Variants in SYCP1 observed in about 807,000 individuals in gnomAD.
SYCP1 encodes the protein synaptonemal complex protein 1.
Under a neutral mutation model 153.1 loss-of-function variants are expected in SYCP1, and 64 were observed. The ratio of observed to expected loss-of-function variants is 0.42; its 90% CI spans 0.34 to 0.51. The LOEUF (loss-of-function observed/expected upper bound fraction) is 0.51. Among genes scored for constraint, SYCP1 ranks in the 20% least tolerant of loss-of-function variants. SYCP1 has a pLI of 0.06. For synonymous variants in SYCP1, 384 were observed against 341.8 expected, an observed-to-expected ratio of 1.12 and a Z score of -1.36; for missense variants, 997 against 1,049.0, an observed-to-expected ratio of 0.95 and a Z score of 0.68.
At chr1:114,915,566 C>CTTTGGTGTCAA (rs1233094840) in intron 20 of SYCP1, among the ~76,000 whole-genome samples, 3 of 152,196 alleles carry the variant, frequency 2.0e-5, no homozygotes, top group Admixed American at 6.5e-5. Context: ...TACAAAGGGA[C>CTTTGGTGTCAA]AGCAGCACTT....
At chr1:114,925,739 G>A (rs1192733682) in intron 21 of SYCP1, among the ~76,000 whole-genome samples, 1 of 152,068 alleles carries the variant, frequency 6.6e-6, no homozygotes, top group Non-Finnish European at 1.5e-5. Context: ...AAACATTTAT[G>A]TACAAGACAA....
intron 21 of SYCP1, among the ~76,000 whole-genome samples, chr1:114,925,169 C>A (rs907949236): frequency 6.6e-6 from 1 of 152,000 alleles, no homozygotes; most frequent in Middle Eastern, 3.4e-3. Context: ...TCCTTTAGTT[C>A]ATATTTATTA....
intron 30 of SYCP1, among the ~76,000 whole-genome samples, chr1:114,991,469 A>G (rs1331926374): frequency 6.6e-6 from 1 of 151,914 alleles, no homozygotes; most frequent in African/African-American, 2.4e-5. Context: ...GCCAAGTGGA[A>G]TTTATCCCAG....
chr1:114,883,736 A>G (rs1177068359), intron 12 of SYCP1, among the ~76,000 whole-genome samples: 2 of 152,214 alleles, frequency 1.3e-5, no homozygotes, highest in African/African-American at 4.8e-5. Context: ...TTCCCTCACC[A>G]GGCTGGAGTG....
intron 30 of SYCP1, among the ~76,000 whole-genome samples, chr1:114,988,078 G>T (rs369718574): frequency 0.077 from 6,419 of 83,904 alleles, 188 homozygotes; most frequent in Non-Finnish European, 0.08. Context: ...TCTGATAAAC[G>T]GCAAAAAAAA....
chr1:114,886,033 A>G, intron 13 of SYCP1, 92 bp from the exon 14 acceptor site: 1 of 759,866 alleles, frequency 1.3e-6, no homozygotes, highest in Non-Finnish European at 2.0e-6. Context: ...AGGGTGGGAA[A>G]GGGGCAGTGA....
intron 24 of SYCP1, 48 bp downstream of exon 24, chr1:114,944,503 A>AT (rs1450592905): frequency 9.2e-7 from 1 of 1,087,226 alleles, no homozygotes; most frequent in African/African-American, 1.7e-5. Flanking sequence ...AAAAATCTAT[A>AT]TTTTTATTAG....
At chr1:114,947,198 G>A in intron 26 of SYCP1, 48 bp from the exon 27 acceptor site, 3 of 1,368,750 alleles carry the variant, frequency 2.2e-6, no homozygotes, top group Non-Finnish European at 3.1e-6. Context: ...TCATTGTCTT[G>A]AGAAATACAT....
chr1:114,944,868 A>G lies in SYCP1; in HGVS notation c.2044-4A>G. 1 of 1,538,668 alleles carries G rather than the reference A, an allele frequency of 6.5e-7. No individual in the cohort carries two copies. Among genetic ancestry groups the G allele is most frequent in the Non-Finnish European group, 8.7e-7 (1 of 1,143,408 alleles). ...GAAACTTTTTTTTTTTGCTTATTTG[A>G]TAGGTTGAGAAAGCAAAAGTAATAG... is the stretch of plus-strand genomic sequence containing the variant. On this transcript the variant is annotated splice_polypyrimidine_tract_variant and splice_region_variant and intron_variant, in intron 24 of 31. Transcript: ENST00000369522.
chr1:114,891,080 A>C (rs1027740848), intron 15 of SYCP1, among the ~76,000 whole-genome samples: 1 of 152,096 alleles, frequency 6.6e-6, no homozygotes, highest in African/African-American at 2.4e-5. Context: ...TTTCTTTAAT[A>C]ATCTTTTTTC....
In SYCP1 at chr1:114,885,646, C is replaced by T. The variant is rs1416777078; in HGVS notation, c.1005+17C>T. ...AGAAGTGTGGTATGATTTAAAAACTCATTAGTGTGTAATAAGTCTCACCCT... is the reference window on the plus strand; with the variant it reads ...AGAAGTGTGGTATGATTTAAAAACTTATTAGTGTGTAATAAGTCTCACCCT... On this transcript the variant is annotated intron_variant, in intron 13 of 31. Transcript: ENST00000369522. 1.4e-6 allele frequency: 2 copies of T among 1,404,198 alleles called. No homozygotes were observed. Among genetic ancestry groups the T allele is most frequent in the Non-Finnish European group, 2.0e-6 (2 of 1,015,928 alleles). 87.0% of individuals were successfully genotyped at this position (1,404,198 alleles called of 1,614,324 possible).
chr1:114,876,011 G>A, intron 9 of SYCP1, 58 bp from the exon 10 acceptor site: 2 of 1,182,528 alleles, frequency 1.7e-6, no homozygotes, highest in South Asian at 3.3e-5. Flanking sequence ...TATTTTCATA[G>A]TTTGAAGAAA....
intron 8 of SYCP1, among the ~76,000 whole-genome samples, chr1:114,867,424 T>A (rs574653331): frequency 6.6e-6 from 1 of 152,158 alleles, no homozygotes; most frequent in African/African-American, 2.4e-5. Context: ...ATTATTTGAT[T>A]GTTTTCATCA....
intron 16 of SYCP1, among the ~76,000 whole-genome samples, chr1:114,899,927 G>A (rs1667313881): frequency 6.6e-6 from 1 of 152,182 alleles, no homozygotes; most frequent in African/African-American, 2.4e-5. Context: ...TGGGAAGCCT[G>A]TAAAATATGT....
At chr1:114,915,826 C>T (rs374961607) in intron 20 of SYCP1, among the ~76,000 whole-genome samples, 3 of 152,082 alleles carry the variant, frequency 2.0e-5, no homozygotes, top group African/African-American at 4.8e-5. Flanking sequence ...CATGGTAATC[C>T]GGCAACAGAG....
At chr1:114,867,120 T>A (rs979958956) in intron 8 of SYCP1, among the ~76,000 whole-genome samples, 2 of 152,102 alleles carry the variant, frequency 1.3e-5, no homozygotes, top group Non-Finnish European at 2.9e-5. Context: ...TTTGTCCTTT[T>A]CCCCCACAAA....
chr1:114,886,616 T>C (rs1666325696), intron 14 of SYCP1, among the ~76,000 whole-genome samples: 1 of 152,134 alleles, frequency 6.6e-6, no homozygotes, highest in South Asian at 2.1e-4. Context: ...AATGACTCTG[T>C]AGATTATTAT....
At chr1:114,883,429 T>C (rs1666084770) in intron 12 of SYCP1, among the ~76,000 whole-genome samples, 1 of 152,232 alleles carries the variant, frequency 6.6e-6, no homozygotes, top group South Asian at 2.1e-4. Flanking sequence ...TTTCCCATTG[T>C]GTTTGTTGAT....
At chr1:114,979,766 T>C (rs538310550) in intron 28 of SYCP1, among the ~76,000 whole-genome samples, 10 of 151,990 alleles carry the variant, frequency 6.6e-5, no homozygotes, top group African/African-American at 2.4e-4. Context: ...ATATAAGCCA[T>C]CTCATTTAGC....
Sources: allele counts gnomAD v4.1 joint callset (sites outside exome capture counted in the v4.1 genomes callset), GRCh38; gene constraint gnomAD v4.1.1; transcripts MANE v1.5; gene names NCBI Gene and HGNC (gene_info 2026-07-23, HGNC 2026-07-21).